The following ACAP2 variants were observed in gnomAD, a reference collection of about 807,000 sequenced individuals.
The protein encoded by ACAP2 is ArfGAP with coiled-coil, ankyrin repeat and PH domains 2, also known as arf-GAP with coiled-coil, ANK repeat and PH domain-containing protein 2.
Under a neutral mutation model 115.8 loss-of-function variants are expected in ACAP2, and 39 were observed. That is an observed-to-expected ratio of 0.34 (90% CI 0.26 to 0.44). The LOEUF (loss-of-function observed/expected upper bound fraction) is 0.44. Ranked by LOEUF, ACAP2 falls within the 20% of genes least tolerant of loss-of-function variation. The pLI, the probability that ACAP2 is intolerant of heterozygous loss-of-function variation, is 1.00. For missense variants in ACAP2, 662 were observed against 927.6 expected (o/e 0.71, Z 3.72); for synonymous variants, 289 against 315.8 (o/e 0.92, Z 0.90).
Position 195,353,976 on chromosome 3 carries a change from T to G in ACAP2, c.286-8659A>C, listed in dbSNP as rs188335133. 8.8e-4 allele frequency among the ~76,000 whole-genome samples: 134 copies of G among 152,246 alleles called. 1 individual carries two copies. The highest frequency in any genetic ancestry group is 3.1e-3 in the African/African-American group (128 of 41,536). On this transcript the variant is annotated intron_variant, in intron 4 of 22. Transcript: ENST00000326793. ...ACTATCCATTAGTTATTTTTTCTGA[T>G]CCTCTCCCTCCTCCTACCCTCCCAC... is the stretch of plus-strand genomic sequence containing the variant.
intron 7 of ACAP2, among the ~76,000 whole-genome samples, chr3:195,334,096 T>C: frequency 6.6e-6 from 1 of 152,112 alleles, no homozygotes; most frequent in East Asian, 1.9e-4. Context: ...ATTAAATGAA[T>C]AATACTGAAA....
chr3:195,285,942 C>T lies in ACAP2; in HGVS notation c.2175-85G>A, dbSNP rs551379838. 58 of 967,262 alleles carry T rather than the reference C, an allele frequency of 6.0e-5. No homozygotes were observed. The African/African-American group carries it at 9.1e-4, about 15-fold the overall frequency. 59.9% of individuals were successfully genotyped at this position (967,262 alleles called of 1,614,324 possible). On this transcript the variant is annotated intron_variant, in intron 21 of 22. Coordinates refer to ENST00000326793, the MANE Select transcript of ACAP2 (RefSeq NM_012287.6). ...AGTCTATAAACAGGTAATACATGTA[C>T]TAATGTAATTGTGTTTTATTTGCCA...
intron 4 of ACAP2, among the ~76,000 whole-genome samples, chr3:195,345,545 C>A (rs2108656176): frequency 6.6e-6 from 1 of 152,268 alleles, no homozygotes; most frequent in East Asian, 1.9e-4. Flanking sequence ...GAAAACAAAT[C>A]TGCTTTAATA....
intron 6 of ACAP2, among the ~76,000 whole-genome samples, chr3:195,341,862 C>T (rs1730900242): frequency 6.6e-6 from 1 of 152,086 alleles, no homozygotes; most frequent in Non-Finnish European, 1.5e-5. Context: ...GAACTAGGGG[C>T]CCTTATCCTA....
chr3:195,277,708 AAG>A lies in ACAP2; in HGVS notation c.*1618_*1619del, dbSNP rs1199234749. 6 of 152,350 alleles carry A rather than the reference AAG, an allele frequency of 3.9e-5. No individual in the cohort carries two copies. Among genetic ancestry groups the A allele is most frequent in the Middle Eastern group, 3.4e-3 (1 of 294 alleles). The allele number at this position is 152,350 out of a possible 1,614,324, so 9.4% of individuals were successfully genotyped here. A position where few individuals can be genotyped will look rare whatever the true frequency, so the allele number is the denominator to read the frequency against. ...TATATTTTAAAACCTCTTATTTAGA[AAG>A]AGTATCAATAATATCATTTACATAT... On this transcript the variant is annotated 3_prime_UTR_variant, in exon 23 of 23. Transcript: ENST00000326793.
At position 195,355,843 on chromosome 3, in the gene ACAP2, T is replaced by C. The variant is rs1220077533; in HGVS notation, c.286-10526A>G. On this transcript the variant is annotated intron_variant, in intron 4 of 22. Coordinates refer to ENST00000326793, the MANE Select transcript of ACAP2 (RefSeq NM_012287.6). ...ACTTTGGCTCTAAGTATACATTTTGTAGTTTCAAGTCCTTGTGATTTATTT... is the reference window on the plus strand; with the variant it reads ...ACTTTGGCTCTAAGTATACATTTTGCAGTTTCAAGTCCTTGTGATTTATTT... Among the ~76,000 whole-genome samples the C allele has an allele frequency of 5.3e-5, 8 of 152,354 alleles. No individual in the cohort carries two copies. In the East Asian group the frequency reaches 1.5e-3, roughly 29 times the overall value.
In ACAP2 at chr3:195,305,039, G is replaced by T. The variant is rs374157226; in HGVS notation, c.1116+1472C>A. 2.2e-4 allele frequency among the ~76,000 whole-genome samples: 33 copies of T among 152,284 alleles called. No homozygotes were observed. The East Asian group carries it at 4.0e-3, about 19-fold the overall frequency. On this transcript the variant is annotated intron_variant, in intron 13 of 22. Transcript: ENST00000326793. Reference sequence around the variant, plus strand: ...AATGGGGGTTTTTCAAGCTCCCTGTGTGGTGACATCATAGTATGCAATGAT... The same window carrying T: ...AATGGGGGTTTTTCAAGCTCCCTGTTTGGTGACATCATAGTATGCAATGAT...
intron 4 of ACAP2, among the ~76,000 whole-genome samples, chr3:195,370,959 A>G (rs545556041): frequency 5.4e-4 from 82 of 151,996 alleles, no homozygotes; most frequent in African/African-American, 1.9e-3. Context: ...TCTCAAAAAA[A>G]AAAAAAAAAA....
intron 8 of ACAP2, among the ~76,000 whole-genome samples, chr3:195,328,972 C>T (rs1259828528): frequency 3.3e-5 from 5 of 150,874 alleles, no homozygotes; most frequent in African/African-American, 7.3e-5. Flanking sequence ...CCCAGCTACT[C>T]GGGAGGCTAA....
intron 4 of ACAP2, among the ~76,000 whole-genome samples, chr3:195,350,568 G>A (rs985976027): frequency 2.0e-5 from 3 of 151,528 alleles, no homozygotes; most frequent in African/African-American, 7.3e-5. Context: ...AGGATTACTT[G>A]AGCCCAGGAG....
At chr3:195,373,713 T>C (rs1487430182) in intron 4 of ACAP2, among the ~76,000 whole-genome samples, 1 of 152,112 alleles carries the variant, frequency 6.6e-6, no homozygotes, top group Non-Finnish European at 1.5e-5. Context: ...GTGGATCATT[T>C]GAGGTCAGGA....
intron 4 of ACAP2, chr3:195,355,995 C>T: frequency 2.4e-6 from 1 of 418,854 alleles, no homozygotes; most frequent in Non-Finnish European, 4.9e-6. Flanking sequence ...CCTGCAGGAA[C>T]ACCAAATCTG....
chr3:195,429,553 CA>C (rs1355859780), intron 1 of ACAP2, among the ~76,000 whole-genome samples: 1 of 151,874 alleles, frequency 6.6e-6, no homozygotes, highest in African/African-American at 2.4e-5. Flanking sequence ...TCAAAAAAAG[CA>C]AAACAGTGGT....
chr3:195,340,475 C>G (rs1436288771), intron 6 of ACAP2, among the ~76,000 whole-genome samples: 4 of 151,592 alleles, frequency 2.6e-5, no homozygotes, highest in Non-Finnish European at 5.9e-5. Context: ...ATGAGACTGA[C>G]AGAAAACAAT....
chr3:195,442,930 G>A lies in ACAP2; in HGVS notation c.-83C>T, dbSNP rs1441919353. The A allele has an allele frequency of 1.2e-5, 16 of 1,300,622 alleles. No homozygotes were observed. The highest frequency in any genetic ancestry group is 1.4e-5 in the Non-Finnish European group (14 of 979,976). 80.6% of individuals were successfully genotyped at this position (1,300,622 alleles called of 1,614,324 possible). A position where few individuals can be genotyped will look rare whatever the true frequency, so the allele number is the denominator to read the frequency against. On this transcript the variant is annotated 5_prime_UTR_variant, in exon 1 of 23. Transcript: ENST00000326793. ...CGCTGGGACGCAGACGGCTACGGCG[G>A]GCGCACGGCCGCGACTAGCGTTGCG...
chr3:195,433,330 ATGAT>A (rs1375175504), intron 1 of ACAP2, among the ~76,000 whole-genome samples: 1 of 152,190 alleles, frequency 6.6e-6, no homozygotes, highest in African/African-American at 2.4e-5. Context: ...TTCTCAATCC[ATGAT>A]TGATTGACTC....
At chr3:195,429,861 G>C (rs1310888296) in intron 1 of ACAP2, among the ~76,000 whole-genome samples, 1 of 152,102 alleles carries the variant, frequency 6.6e-6, no homozygotes, top group East Asian at 1.9e-4. Flanking sequence ...GATCCATTTT[G>C]GGAGAGTTCT....
At chr3:195,383,900 A>G (rs1734114299) in intron 2 of ACAP2, among the ~76,000 whole-genome samples, 1 of 152,192 alleles carries the variant, frequency 6.6e-6, no homozygotes, top group Non-Finnish European at 1.5e-5. Context: ...TTCTCACTAT[A>G]ATAAAAGAAA....
chr3:195,307,199 C>A, intron 12 of ACAP2, 24 bp downstream of exon 12: 1 of 1,579,408 alleles, frequency 6.3e-7, no homozygotes, highest in South Asian at 1.1e-5. Context: ...AAAAGCAAAT[C>A]ACAGATCCTT....
Sources: allele counts gnomAD v4.1 joint callset (sites outside exome capture counted in the v4.1 genomes callset), GRCh38; gene constraint gnomAD v4.1.1; transcripts MANE v1.5; gene names NCBI Gene and HGNC (gene_info 2026-07-23, HGNC 2026-07-21).